CPVL: variants seen among roughly 807,000 people sequenced by gnomAD.
CPVL encodes the protein carboxypeptidase vitellogenic like, also known as probable serine carboxypeptidase CPVL.
CPVL carries 51 observed loss-of-function variants against 63.7 expected under a neutral mutation model. The observed-to-expected ratio is 0.80, with a 90% confidence interval of 0.64 to 1.01. CPVL has a LOEUF of 1.01. Ranked by LOEUF, CPVL falls within the 50% of genes least tolerant of loss-of-function variation. The pLI, the probability that CPVL is intolerant of heterozygous loss-of-function variation, is 0.00. For missense variants in CPVL, 530 were observed against 573.1 expected, an observed-to-expected ratio of 0.92 and a Z score of 0.77; for synonymous variants, 195 against 206.0, an observed-to-expected ratio of 0.95 and a Z score of 0.46.
intron 1 of CPVL, among the ~76,000 whole-genome samples, chr7:29,145,020 A>T (rs1792329314): frequency 6.6e-6 from 1 of 151,800 alleles, no homozygotes; most frequent in Admixed American, 6.6e-5. Flanking sequence ...ACACTACATT[A>T]TAAAGGGTTG....
chr7:29,121,808 A>T lies in CPVL; in HGVS notation c.-10-737T>A, dbSNP rs141433687. Among the ~76,000 whole-genome samples, 228 of 152,266 alleles carry T rather than the reference A, an allele frequency of 1.5e-3. 1 individual carries two copies. The highest frequency in any genetic ancestry group is 5.2e-3 in the African/African-American group (215 of 41,548). On this transcript the variant is annotated intron_variant, in intron 1 of 12. Transcript: ENST00000265394. ...CTGGTTATGTTCTCTATCTCTTATA[A>T]AGCCCCAGTTTGTATCAAAGAACAA...
intron 12 of CPVL, among the ~76,000 whole-genome samples, chr7:29,029,763 G>T (rs758333687): frequency 2.6e-4 from 40 of 152,088 alleles, no homozygotes; most frequent in Non-Finnish European, 1.2e-4. Flanking sequence ...AGTTAAGAAC[G>T]ATATATTGTA....
chr7:29,084,574 T>C (rs191114588), intron 7 of CPVL, among the ~76,000 whole-genome samples: 4 of 152,326 alleles, frequency 2.6e-5, no homozygotes, highest in Admixed American at 2.6e-4. Context: ...TTTTCAGTGT[T>C]ATTCACCATT....
intron 1 of CPVL, among the ~76,000 whole-genome samples, chr7:29,124,765 GT>G (rs1233164186): frequency 2.0e-5 from 3 of 151,838 alleles, no homozygotes; most frequent in Non-Finnish European, 2.9e-5. Context: ...TGGATATATG[GT>G]TTTTTTCCTT....
At chr7:29,162,772 G>C (rs1220671837) in intron 5 of CPVL, among the ~76,000 whole-genome samples, 1 of 152,034 alleles carries the variant, frequency 6.6e-6, no homozygotes, top group Non-Finnish European at 1.5e-5. Context: ...CAAAGTTGCA[G>C]AGAAAACAGA....
intron 12 of CPVL, chr7:28,996,144 T>C (rs1045082657): frequency 8.7e-6 from 3 of 345,514 alleles, no homozygotes; most frequent in Non-Finnish European, 1.6e-5. Flanking sequence ...TTGAAAATTA[T>C]TCCTTGTCTT....
At chr7:29,127,424 A>C (rs1249921631) in intron 1 of CPVL, 1 of 152,166 alleles carries the variant, frequency 6.6e-6, no homozygotes, top group Non-Finnish European at 1.5e-5. Context: ...AGGGTTACAA[A>C]CAACCTTACC....
At chr7:29,015,955 T>C (rs2128138932) in intron 12 of CPVL, among the ~76,000 whole-genome samples, 1 of 152,264 alleles carries the variant, frequency 6.6e-6, no homozygotes, top group South Asian at 2.1e-4. Context: ...ATTAAAAAAG[T>C]GTGTGGTAGA....
At chr7:29,150,167 C>G (rs1303617774), upstream of CPVL, among the ~76,000 whole-genome samples, 2 of 152,156 alleles carry the variant, frequency 1.3e-5, no homozygotes, top group African/African-American at 4.8e-5. Flanking sequence ...TTGTTAAGCC[C>G]TAGTGGTTCA....
In CPVL at chr7:29,002,866, CA is replaced by C. The variant is rs373207674; in HGVS notation, c.1321-6985del. 9.9e-3 allele frequency among the ~76,000 whole-genome samples: 1,226 copies of C among 124,286 alleles called. 17 individuals carry two copies. Among genetic ancestry groups the C allele is most frequent in the African/African-American group, 0.033 (1,033 of 31,582 alleles). The allele number at this position is 124,286 out of a possible 152,430, so 81.5% of individuals were successfully genotyped here. On this transcript the variant is annotated intron_variant, in intron 12 of 12. Transcript: ENST00000265394. The stretch of plus-strand genomic sequence containing the variant: ...CATGGAGAATAAAGGTATGAAAATT[CA>C]AAAAAAAAAAAAAAGAAGAAGAAGA...
At chr7:29,109,494 GCTT>G (rs1788042620) in intron 3 of CPVL, among the ~76,000 whole-genome samples, 1 of 152,130 alleles carries the variant, frequency 6.6e-6, no homozygotes, top group South Asian at 2.1e-4. Flanking sequence ...AGTGACCACT[GCTT>G]CTTCTTGTCA....
intron 5 of CPVL, 132 bp downstream of exon 5, chr7:29,094,952 T>C (rs1786243417): frequency 4.2e-6 from 3 of 713,388 alleles, no homozygotes; most frequent in Non-Finnish European, 2.4e-6. Context: ...AAAATGGTTT[T>C]AATTTTACAG....
Position 28,995,849 on chromosome 7 carries a change from A to G in CPVL, c.1354T>C (p.Tyr452His). The G allele has an allele frequency of 6.2e-7, 1 of 1,603,046 alleles. No homozygotes were observed. Among genetic ancestry groups the G allele is most frequent in the Non-Finnish European group, 8.5e-7 (1 of 1,176,566 alleles). The stretch of plus-strand genomic sequence containing the variant: ...TCAAAAGCTCTCAGAGGCTGGTCAT[A>G]GGGTAAAATATGTCCTCCACCTCGA... ...IIRGGGHILP[Y>H]DQPLRAFDMI... is the part of the protein sequence containing the mutation. Residue 452 changes from tyrosine to histidine, a missense_variant, in exon 13 of 13, where the codon TAT becomes CAT. By Grantham distance (83) the Tyr-to-His change is moderately conservative (BLOSUM62 2). Coordinates refer to ENST00000265394, the MANE Select transcript of CPVL (RefSeq NM_031311.5).
intron 5 of CPVL, among the ~76,000 whole-genome samples, chr7:29,165,983 G>A (rs967151854): frequency 6.6e-6 from 1 of 152,040 alleles, no homozygotes; most frequent in African/African-American, 2.4e-5. Context: ...CTTTGGTTTT[G>A]GTATCAAGGT....
At chr7:29,109,569 A>G (rs1399657684) in intron 3 of CPVL, among the ~76,000 whole-genome samples, 1 of 152,184 alleles carries the variant, frequency 6.6e-6, no homozygotes, top group East Asian at 1.9e-4. Flanking sequence ...CAGAAGCCTC[A>G]GATATCTGGC....
chr7:29,140,391 C>T (rs1260905419), intron 1 of CPVL, among the ~76,000 whole-genome samples: 1 of 152,190 alleles, frequency 6.6e-6, no homozygotes, highest in Non-Finnish European at 1.5e-5. Flanking sequence ...AAGGGTGAGA[C>T]ACTTTGCTAA....
chr7:29,119,694 C>T (rs1789156961), intron 2 of CPVL, among the ~76,000 whole-genome samples: 1 of 152,112 alleles, frequency 6.6e-6, no homozygotes, highest in African/African-American at 2.4e-5. Flanking sequence ...ATTTTCATAA[C>T]ATCTCTGTAA....
chr7:29,177,406 A>C (rs550970487), intron 5 of CPVL, among the ~76,000 whole-genome samples: 6 of 152,140 alleles, frequency 3.9e-5, no homozygotes, highest in African/African-American at 1.4e-4. Flanking sequence ...GGTGCACACC[A>C]CAATGCTGGG....
intron 1 of CPVL, among the ~76,000 whole-genome samples, chr7:29,138,528 T>C (rs1791493757): frequency 6.6e-6 from 1 of 152,048 alleles, no homozygotes; most frequent in Admixed American, 6.6e-5. Context: ...ACAAAGAATC[T>C]AGGATGATCC....
Sources: gnomAD v4.1 joint callset for allele counts (sites outside exome capture counted in the v4.1 genomes callset) on GRCh38, gnomAD v4.1.1 for gene constraint, MANE v1.5 for transcripts, NCBI Gene and HGNC (gene_info 2026-07-23, HGNC 2026-07-21) for gene names.